DACH1: variants seen among roughly 807,000 people sequenced by gnomAD.
DACH1 encodes dachshund family transcription factor 1.
DACH1 carries 12 observed loss-of-function variants against 54.2 expected under a neutral mutation model. The ratio of observed to expected loss-of-function variants is 0.22; its 90% CI spans 0.14 to 0.36. The LOEUF is 0.36. DACH1 is among the 10% of genes least tolerant of loss of function. DACH1 has a pLI of 1.00. For synonymous variants in DACH1, 386 were observed against 366.2 expected, an observed-to-expected ratio of 1.05 and a Z score of -0.62; for missense variants, 805 against 929.8, an observed-to-expected ratio of 0.87 and a Z score of 1.75.
At chr13:71,706,540 T>C (rs541070566) in intron 1 of DACH1, among the ~76,000 whole-genome samples, 156 of 152,264 alleles carry the variant, frequency 1.0e-3, no homozygotes, top group Middle Eastern at 3.4e-3. Context: ...CTTGGACATA[T>C]TCCATTCTTT....
At chr13:71,863,170 G>A (rs1874467788) in intron 1 of DACH1, among the ~76,000 whole-genome samples, 1 of 151,960 alleles carries the variant, frequency 6.6e-6, no homozygotes, top group Admixed American at 6.6e-5. Flanking sequence ...GCTTTCAAAG[G>A]TAAGAAATAA....
intron 2 of DACH1, among the ~76,000 whole-genome samples, chr13:71,636,187 C>A (rs1877478424): frequency 6.6e-6 from 1 of 152,066 alleles, no homozygotes; most frequent in Admixed American, 6.6e-5. Flanking sequence ...AAGCCCACAT[C>A]CACAGAATAT....
rs544667456 is a variant in DACH1 at position 71,620,280 on chromosome 13, T to C, written c.1126+10276A>G. Among the ~76,000 whole-genome samples, 109 of 151,980 alleles carry C rather than the reference T, an allele frequency of 7.2e-4. 2 individuals carry two copies. In the South Asian group the frequency reaches 0.022, roughly 31 times the overall value. On this transcript the variant is annotated intron_variant, in intron 3 of 10. Transcript: ENST00000613252. ...TGACACAAGTTCAGCACTTAAACTA[T>C]AGAGAGATGAAGAAACACTAAACTA...
intron 10 of DACH1, among the ~76,000 whole-genome samples, chr13:71,472,703 G>A (rs778322639): frequency 7.9e-5 from 12 of 152,190 alleles, no homozygotes; most frequent in Non-Finnish European, 1.8e-4. Context: ...GAGGCTGTGT[G>A]TGTGTCATTC....
intron 6 of DACH1, among the ~76,000 whole-genome samples, chr13:71,530,036 AAATC>A (rs1248827316): frequency 1.3e-5 from 2 of 152,216 alleles, no homozygotes; most frequent in African/African-American, 4.8e-5. Context: ...GGTCTTATCT[AAATC>A]AAATTAAAAG....
chr13:71,624,515 G>A (rs1876500052), intron 3 of DACH1, among the ~76,000 whole-genome samples: 1 of 151,880 alleles, frequency 6.6e-6, no homozygotes, highest in African/African-American at 2.4e-5. Flanking sequence ...TTACAAGACT[G>A]GCTGTTAATA....
intron 1 of DACH1, among the ~76,000 whole-genome samples, chr13:71,762,294 T>C (rs1015184751): frequency 1.3e-5 from 2 of 152,130 alleles, no homozygotes; most frequent in African/African-American, 4.8e-5. Context: ...GCCTACAGTG[T>C]CTTAGTCCCT....
At chr13:71,775,096 G>A (rs139291804) in intron 1 of DACH1, among the ~76,000 whole-genome samples, 209 of 144,370 alleles carry the variant, frequency 1.4e-3, no homozygotes, top group African/African-American at 5.0e-3. Flanking sequence ...ACCAGCCTGG[G>A]CAACAGAGCA....
chr13:71,808,880 A>C (rs1887608522), intron 1 of DACH1, among the ~76,000 whole-genome samples: 1 of 152,210 alleles, frequency 6.6e-6, no homozygotes, highest in Non-Finnish European at 1.5e-5. Flanking sequence ...TAAAAAGGGT[A>C]CATTTTAATT....
At chr13:71,813,252 A>G (rs1887787736) in intron 1 of DACH1, among the ~76,000 whole-genome samples, 1 of 152,210 alleles carries the variant, frequency 6.6e-6, no homozygotes. Context: ...AGAGTCAGAC[A>G]TTTTACCCAT....
intron 1 of DACH1, among the ~76,000 whole-genome samples, chr13:71,787,976 A>T (rs1886677661): frequency 6.6e-6 from 1 of 152,210 alleles, no homozygotes. Flanking sequence ...ATTTTTAAAA[A>T]TACAGTGATA....
intron 3 of DACH1, among the ~76,000 whole-genome samples, chr13:71,584,898 G>C (rs1293525561): frequency 6.6e-6 from 1 of 151,952 alleles, no homozygotes; most frequent in Non-Finnish European, 1.5e-5. Context: ...CAAAGAAATA[G>C]AGCAGAAAAC....
chr13:71,464,955 T>C (rs1814733576), intron 10 of DACH1, among the ~76,000 whole-genome samples: 1 of 152,054 alleles, frequency 6.6e-6, no homozygotes, highest in South Asian at 2.1e-4. Flanking sequence ...GCTGTGCTAA[T>C]ATAGGGGAAT....
At chr13:71,471,588 G>A (rs1247173298) in intron 10 of DACH1, among the ~76,000 whole-genome samples, 2 of 151,664 alleles carry the variant, frequency 1.3e-5, no homozygotes, top group Non-Finnish European at 2.9e-5. Flanking sequence ...GTGAAACACC[G>A]TCTCTACTAA....
At chr13:71,858,000 G>C (rs1385278323) in intron 1 of DACH1, among the ~76,000 whole-genome samples, 1 of 151,570 alleles carries the variant, frequency 6.6e-6, no homozygotes, top group Non-Finnish European at 1.5e-5. Context: ...TACAGTTTAA[G>C]ATTTTAACAA....
rs200595634 is a variant in DACH1 at position 71,681,735 on chromosome 13, A to G, written c.964+60T>C. On this transcript the variant is annotated intron_variant, in intron 2 of 10. Transcript: ENST00000613252. ...TATCGATGTCACCACAGATATATAT[A>G]AAAGCTACGACATTGGCTGATTTTT... 1.3e-3 allele frequency: 1,571 copies of G among 1,239,516 alleles called. 4 individuals carry two copies. Among genetic ancestry groups the G allele is most frequent in the Non-Finnish European group, 1.7e-3 (1,478 of 847,994 alleles). 76.8% of individuals were successfully genotyped at this position (1,239,516 alleles called of 1,614,324 possible). A position where few individuals can be genotyped will look rare whatever the true frequency, so the allele number is the denominator to read the frequency against.
Position 71,711,829 on chromosome 13 carries a change from T to C in DACH1, c.849-29919A>G, listed in dbSNP as rs1433468628. Reference sequence around the variant, plus strand: ...CATGAGGAATGTTTTTGATACTTGCTACATTGTCTGACTCATTTAAATAGA... The same window carrying C: ...CATGAGGAATGTTTTTGATACTTGCCACATTGTCTGACTCATTTAAATAGA... On this transcript the variant is annotated intron_variant, in intron 1 of 10. Transcript: ENST00000613252. Among the ~76,000 whole-genome samples the C allele has an allele frequency of 3.9e-5, 6 of 152,154 alleles. No individual in the cohort carries two copies. In the East Asian group the frequency reaches 1.2e-3, roughly 29 times the overall value.
chr13:71,742,484 T>TTAGTA (rs200664474), intron 1 of DACH1, among the ~76,000 whole-genome samples: 2,854 of 152,268 alleles, frequency 0.019, 67 homozygotes, highest in African/African-American at 0.055. Context: ...AAAAATTTCA[T>TTAGTA]TAGTTAAATA....
rs1594261055 is a variant in DACH1, at chr13:71,819,571, T to C, written c.848+46351A>G. ...TTTTCTAGTGGGTGTAAGAAAGGAT[T>C]AGAGGTCATGACTTTGTCTCTACCA... On this transcript the variant is annotated intron_variant, in intron 1 of 10. Transcript: ENST00000613252. 2.0e-5 allele frequency among the ~76,000 whole-genome samples: 3 copies of C among 152,290 alleles called. No homozygotes were observed. The South Asian group carries it at 6.2e-4, about 32-fold the overall frequency.
Sources: allele counts gnomAD v4.1 joint callset (sites outside exome capture counted in the v4.1 genomes callset), GRCh38; gene constraint gnomAD v4.1.1; transcripts MANE v1.5; gene names NCBI Gene and HGNC (gene_info 2026-07-23, HGNC 2026-07-21).